KLF12: variants seen among roughly 807,000 people sequenced by gnomAD.
KLF12 encodes the protein KLF transcription factor 12.
In KLF12, 9 loss-of-function variants were observed where a neutral mutation model predicts 37.8. That is an observed-to-expected ratio of 0.24 (90% CI 0.14 to 0.42). The LOEUF is 0.42. KLF12 is among the 10% of genes least tolerant of loss of function. The probability of loss-of-function intolerance (pLI) is 1.00; values close to 1 mark genes in which losing one functional copy is unlikely to be tolerated. For synonymous variants in KLF12, 208 were observed against 202.1 expected (o/e 1.03, Z -0.25); for missense variants, 411 against 516.0 (o/e 0.80, Z 1.97).
rs767360300 is a variant in KLF12, at chr13:73,695,620, C to T, written c.1079G>A (p.Arg360His). The T allele has an allele frequency of 1.2e-6, 2 of 1,613,932 alleles. No individual in the cohort carries two copies. Among genetic ancestry groups the T allele is most frequent in the Admixed American group, 1.7e-5 (1 of 60,000 alleles). Residue 360 changes from arginine (R) to histidine (H), a missense_variant, in exon 8 of 8, where the codon CGT becomes CAT. Transcript: ENST00000377669. ...GTAATGCCTCGTCAGTTCATCTGAA[C>T]GAGCGAACTTCCAGGTGCAGCCTTC...
chr13:74,143,726 G>C, the KLF12 span, among the ~76,000 whole-genome samples: 2 of 152,106 alleles, frequency 1.3e-5, no homozygotes, highest in African/African-American at 4.8e-5. Flanking sequence ...TTTACTTTAA[G>C]AAGCTGTGAA....
chr13:74,098,498 T>C (rs1048195028), intron 1 of KLF12, among the ~76,000 whole-genome samples: 10 of 152,352 alleles, frequency 6.6e-5, no homozygotes, highest in Admixed American at 6.5e-4. Flanking sequence ...TCAAGCTCTA[T>C]GATCTAATGA....
chr13:74,181,361 GAA>G, the KLF12 span, among the ~76,000 whole-genome samples: 1 of 130,706 alleles, frequency 7.7e-6, no homozygotes, highest in Non-Finnish European at 1.6e-5. Context: ...TGACAAAAGT[GAA>G]AAAAAAAAAA....
chr13:74,231,088 G>T, the KLF12 span, among the ~76,000 whole-genome samples: 1 of 149,138 alleles, frequency 6.7e-6, no homozygotes, highest in African/African-American at 2.5e-5. Context: ...AAGTATCTCT[G>T]CTTGCATCGT....
At chr13:74,041,025 T>C (rs1430898955) in intron 1 of KLF12, among the ~76,000 whole-genome samples, 1 of 152,162 alleles carries the variant, frequency 6.6e-6, no homozygotes, top group Non-Finnish European at 1.5e-5. Flanking sequence ...AGGGTGACAA[T>C]AAATAAACCC....
At chr13:73,838,780 T>C (rs1408676847) in intron 4 of KLF12, among the ~76,000 whole-genome samples, 1 of 152,210 alleles carries the variant, frequency 6.6e-6, no homozygotes, top group East Asian at 1.9e-4. Context: ...GGACATTTGA[T>C]TGCTTTTGTG....
the KLF12 span, among the ~76,000 whole-genome samples, chr13:74,266,870 A>G: frequency 1.3e-5 from 2 of 152,200 alleles, no homozygotes; most frequent in Non-Finnish European, 2.9e-5. Context: ...CCAGTGGGTA[A>G]TGATTAATAA....
the KLF12 span, among the ~76,000 whole-genome samples, chr13:74,223,302 A>G: frequency 3.9e-5 from 6 of 152,368 alleles, no homozygotes; most frequent in African/African-American, 1.4e-4. Context: ...TGGTGAAACC[A>G]TACATGCTGC....
At chr13:73,848,575 T>C (rs1289077473) in intron 3 of KLF12, among the ~76,000 whole-genome samples, 1 of 148,148 alleles carries the variant, frequency 6.8e-6, no homozygotes, top group Non-Finnish European at 1.5e-5. Context: ...ATATAACATA[T>C]ATATAGCATA....
chr13:73,710,384 G>C (rs924839590), intron 7 of KLF12, among the ~76,000 whole-genome samples: 4 of 112,542 alleles, frequency 3.6e-5, no homozygotes, highest in African/African-American at 1.5e-4. Context: ...TTGTCTGTGT[G>C]TGTGTGTGTG....
chr13:73,721,673 C>T (rs1566318977), intron 6 of KLF12, among the ~76,000 whole-genome samples: 1 of 151,970 alleles, frequency 6.6e-6, no homozygotes, highest in Non-Finnish European at 1.5e-5. Context: ...CCGCCTCAGC[C>T]TCCTGGGAAC....
chr13:74,191,799 A>G, the KLF12 span, among the ~76,000 whole-genome samples: 1 of 152,234 alleles, frequency 6.6e-6, no homozygotes, highest in East Asian at 1.9e-4. Flanking sequence ...TATATAAGCT[A>G]TAAAATTTAC....
At chr13:73,995,400 A>G (rs557718766) in intron 1 of KLF12, among the ~76,000 whole-genome samples, 2 of 152,284 alleles carry the variant, frequency 1.3e-5, no homozygotes, top group African/African-American at 2.4e-5. Flanking sequence ...AGTAAAAAAA[A>G]GGTTTATAAG....
the KLF12 span, among the ~76,000 whole-genome samples, chr13:74,224,815 G>T: frequency 6.6e-6 from 1 of 152,100 alleles, no homozygotes. Flanking sequence ...TACCAAGCAT[G>T]CCAAAATGTC....
chr13:73,857,354 G>C (rs1885662044), intron 3 of KLF12, among the ~76,000 whole-genome samples: 1 of 152,050 alleles, frequency 6.6e-6, no homozygotes, highest in Non-Finnish European at 1.5e-5. Flanking sequence ...GCCTGGTGAG[G>C]ACACAGAAAA....
At chr13:73,720,884 T>TA (rs936943611) in intron 6 of KLF12, among the ~76,000 whole-genome samples, 5 of 151,348 alleles carry the variant, frequency 3.3e-5, no homozygotes, top group African/African-American at 4.9e-5. Flanking sequence ...TTACAGGAGT[T>TA]AAAAAAAAAT....
intron 1 of KLF12, among the ~76,000 whole-genome samples, chr13:74,123,486 A>T (rs1240671848): frequency 6.6e-6 from 1 of 152,210 alleles, no homozygotes; most frequent in East Asian, 1.9e-4. Context: ...ACATTGTAGG[A>T]CAAAGCCCAT....
chr13:74,265,940 C>T, the KLF12 span, among the ~76,000 whole-genome samples: 1 of 152,318 alleles, frequency 6.6e-6, no homozygotes, highest in South Asian at 2.1e-4. Flanking sequence ...GTGGTCATTT[C>T]TATCGCAGCT....
At chr13:74,188,269 T>C in the KLF12 span, among the ~76,000 whole-genome samples, 2 of 152,294 alleles carry the variant, frequency 1.3e-5, no homozygotes, top group East Asian at 1.9e-4. Context: ...CTACCTACTA[T>C]ACCCAGACAC....
Sources: gnomAD v4.1 joint callset for allele counts (sites outside exome capture counted in the v4.1 genomes callset) on GRCh38, gnomAD v4.1.1 for gene constraint, MANE v1.5 for transcripts, NCBI Gene and HGNC (gene_info 2026-07-23, HGNC 2026-07-21) for gene names.